The following LITAF variants were observed in gnomAD, a reference collection of about 807,000 sequenced individuals.
LITAF encodes the protein lipopolysaccharide induced TNF factor, also known as lipopolysaccharide-induced tumor necrosis factor-alpha factor.
In LITAF, 9 loss-of-function variants were observed where a neutral mutation model predicts 14.5. The observed-to-expected ratio is 0.62, with a 90% CI of 0.37 to 1.08. The LOEUF (loss-of-function observed/expected upper bound fraction) is 1.08. Among genes scored for constraint, LITAF ranks in the 50% least tolerant of loss-of-function variants. LITAF has a pLI of 0.01. For synonymous variants in LITAF, 98 were observed against 88.2 expected, an observed-to-expected ratio of 1.11 and a Z score of -0.62; for missense variants, 206 against 213.4, an observed-to-expected ratio of 0.97 and a Z score of 0.22.
At chr16:11,617,426 C>CTTTTTTTTT (rs71136673) in intron 3 of LITAF, among the ~76,000 whole-genome samples, 8 of 73,714 alleles carry the variant, frequency 1.1e-4, no homozygotes, top group Non-Finnish European at 1.4e-4. Flanking sequence ...TGGCTTCACT[C>CTTTTTTTTT]TTTTTTTTTT....
chr16:11,567,739 T>C (rs796989428), intron 1 of LITAF, among the ~76,000 whole-genome samples: 24 of 151,432 alleles, frequency 1.6e-4, no homozygotes, highest in African/African-American at 5.3e-4. Context: ...AATCCCAGCA[T>C]TTTGGGAGGC....
At chr16:11,551,727 G>C in intron 3 of LITAF, 1 of 678,640 alleles carries the variant, frequency 1.5e-6, no homozygotes, top group East Asian at 2.8e-5. Context: ...AGGTACTCAG[G>C]AGGCTGAGCT....
In LITAF at chr16:11,556,681, G is replaced by A. The variant is rs372309415; in HGVS notation, c.50C>T (p.Pro17Leu). 7.4e-6 allele frequency: 12 copies of A among 1,614,056 alleles called. No homozygotes were observed. In the African/African-American group the frequency reaches 1.5e-4, roughly 20 times the overall value. The change falls in exon 2 of 4, where the codon CCA (proline) becomes CTA (leucine). Residue 17 changes from proline (P) to leucine (L), a missense_variant. Physicochemically the swap from Pro to Leu is moderately conservative, Grantham distance 98 (BLOSUM62 -3). Coordinates refer to ENST00000622633, the MANE Select transcript of LITAF (RefSeq NM_001136472.2). ...YQAATGPSSA[P>L]SAPPSYEETV... ...CTCTTCATAGGATGGAGGTGCGGAT[G>A]GTGCTGAGGAAGGCCCAGTGGCCGC...
At chr16:11,609,378 AT>A (rs2064970549) in intron 3 of LITAF, among the ~76,000 whole-genome samples, 2 of 151,734 alleles carry the variant, frequency 1.3e-5, no homozygotes, top group South Asian at 2.1e-4. Flanking sequence ...CACTCAGCTA[AT>A]TTTTTTGTAT....
At chr16:11,599,932 G>T (rs1358793299), upstream of LITAF, among the ~76,000 whole-genome samples, 2 of 151,812 alleles carry the variant, frequency 1.3e-5, no homozygotes, top group South Asian at 4.2e-4. Flanking sequence ...TCCCCTTCCC[G>T]ACCCTCATGA....
intron 3 of LITAF, among the ~76,000 whole-genome samples, chr16:11,629,465 A>T (rs2065105138): frequency 6.6e-6 from 1 of 151,820 alleles, no homozygotes; most frequent in South Asian, 2.1e-4. Flanking sequence ...TTTCTGAGTC[A>T]GTCCCACCAG....
chr16:11,593,705 A>G (rs574842607), intron 1 of LITAF, among the ~76,000 whole-genome samples: 2 of 152,360 alleles, frequency 1.3e-5, no homozygotes, highest in African/African-American at 2.4e-5. Flanking sequence ...TTTCCACAAT[A>G]CACAGGGACC....
intron 1 of LITAF, among the ~76,000 whole-genome samples, chr16:11,567,937 T>G (rs2064479642): frequency 6.6e-6 from 1 of 152,050 alleles, no homozygotes; most frequent in Non-Finnish European, 1.5e-5. Context: ...TGAGCTGAGA[T>G]CATGCCACTG....
chr16:11,614,676 T>C (rs2141883270), intron 3 of LITAF, among the ~76,000 whole-genome samples: 1 of 152,278 alleles, frequency 6.6e-6, no homozygotes, highest in Admixed American at 6.5e-5. Flanking sequence ...TTCAGCTCAC[T>C]GCAACCTCCA....
intron 3 of LITAF, among the ~76,000 whole-genome samples, chr16:11,630,735 C>T (rs1298490682): frequency 5.9e-5 from 9 of 151,968 alleles, no homozygotes; most frequent in African/African-American, 1.5e-4. Context: ...CCCACCACCA[C>T]GTCCAGATAA....
chr16:11,550,899 G>A (rs1389958887), intron 3 of LITAF, among the ~76,000 whole-genome samples: 5 of 152,162 alleles, frequency 3.3e-5, no homozygotes, highest in African/African-American at 4.8e-5. Flanking sequence ...ACCAACAGGC[G>A]TGGCTGTGTT....
chr16:11,638,066 CTATATA>C (rs1160965687), upstream of LITAF, among the ~76,000 whole-genome samples: 7 of 87,894 alleles, frequency 8.0e-5, no homozygotes, highest in African/African-American at 3.7e-4. Flanking sequence ...ATATATATAT[CTATATA>C]TATATCTATA....
intron 3 of LITAF, among the ~76,000 whole-genome samples, chr16:11,604,256 T>G (rs1567260750): frequency 6.6e-6 from 1 of 152,170 alleles, no homozygotes; most frequent in Non-Finnish European, 1.5e-5. Flanking sequence ...GGAATATGCT[T>G]GGTGGATTTT....
At chr16:11,588,420 T>C (rs2064828088), upstream of LITAF, among the ~76,000 whole-genome samples, 1 of 151,780 alleles carries the variant, frequency 6.6e-6, no homozygotes, top group Non-Finnish European at 1.5e-5. Context: ...GGAGGATTCC[T>C]TGACCTCCGG....
At chr16:11,601,446 G>A (rs1422504288), upstream of LITAF, among the ~76,000 whole-genome samples, 1 of 152,086 alleles carries the variant, frequency 6.6e-6, no homozygotes, top group Non-Finnish European at 1.5e-5. Context: ...ACAGAACCAG[G>A]GTAAGGTTAG....
At chr16:11,611,756 G>C (rs8052599) in intron 3 of LITAF, among the ~76,000 whole-genome samples, 3 of 151,336 alleles carry the variant, frequency 2.0e-5, no homozygotes, top group Non-Finnish European at 4.4e-5. Context: ...TCCACCTCTC[G>C]GGTTCAAGTG....
chr16:11,572,143 C>T (rs1182868749), intron 1 of LITAF, among the ~76,000 whole-genome samples: 1 of 151,930 alleles, frequency 6.6e-6, no homozygotes, highest in East Asian at 1.9e-4. Flanking sequence ...AACAAAATCC[C>T]CCTCCTGCCT....
intron 3 of LITAF, among the ~76,000 whole-genome samples, chr16:11,633,334 T>C (rs549742009): frequency 2.6e-5 from 4 of 152,086 alleles, no homozygotes; most frequent in Admixed American, 2.0e-4. Context: ...TTGCAAATAG[T>C]AGTGTCAGAG....
chr16:11,551,363 G>A (rs763485646), intron 3 of LITAF, among the ~76,000 whole-genome samples: 14 of 152,120 alleles, frequency 9.2e-5, no homozygotes, highest in Non-Finnish European at 1.6e-4. Context: ...TTATTGCCCC[G>A]CACCCCCGTC....
Sources: allele counts gnomAD v4.1 joint callset (sites outside exome capture counted in the v4.1 genomes callset), GRCh38; gene constraint gnomAD v4.1.1; transcripts MANE v1.5; gene names NCBI Gene and HGNC (gene_info 2026-07-23, HGNC 2026-07-21).